Variants in CDH7 observed in about 807,000 individuals in gnomAD.
CDH7 encodes the protein cadherin-7.
CDH7 carries 25 observed loss-of-function variants against 71.8 expected under a neutral mutation model. The ratio of observed to expected loss-of-function variants is 0.35; its 90% CI spans 0.25 to 0.49. The LOEUF is 0.49. Ranked by LOEUF, CDH7 falls within the 20% of genes least tolerant of loss-of-function variation. CDH7 has a pLI of 0.99. For missense variants in CDH7, 862 were observed against 974.6 expected (o/e 0.88, Z 1.54); for synonymous variants, 381 against 363.8 (o/e 1.05, Z -0.54).
intron 2 of CDH7, among the ~76,000 whole-genome samples, chr18:65,793,288 C>A (rs1052706186): frequency 6.6e-6 from 1 of 151,832 alleles, no homozygotes; most frequent in Non-Finnish European, 1.5e-5. Context: ...TAAAAATTGG[C>A]TGGTTGCGGT....
rs1376994992 is a variant in CDH7, at chr18:65,882,587, C to A, written c.*1693C>A. On this transcript the variant is annotated 3_prime_UTR_variant, in exon 12 of 12. Transcript: ENST00000397968. Reference sequence around the variant, plus strand: ...TTAGAAATGAAGTATGTAAAAGTGGCCTTCAACTTCATAAGTATAAATAAT... The same window carrying A: ...TTAGAAATGAAGTATGTAAAAGTGGACTTCAACTTCATAAGTATAAATAAT... 1 of 152,010 alleles carries A rather than the reference C, an allele frequency of 6.6e-6. No homozygotes were observed. The highest frequency in any genetic ancestry group is 2.4e-5 in the African/African-American group (1 of 41,422). The allele number at this position is 152,010 out of a possible 1,614,324, so 9.4% of individuals were successfully genotyped here. A position where few individuals can be genotyped will look rare whatever the true frequency, so the allele number is the denominator to read the frequency against.
At chr18:65,782,127 T>C (rs867051160) in intron 2 of CDH7, among the ~76,000 whole-genome samples, 3 of 81,474 alleles carry the variant, frequency 3.7e-5, no homozygotes, top group South Asian at 4.4e-4. Flanking sequence ...TCTTTCTTTC[T>C]TTCTTTCTTT....
intron 1 of CDH7, among the ~76,000 whole-genome samples, chr18:65,755,346 A>T (rs1916001533): frequency 1.3e-5 from 2 of 152,220 alleles, no homozygotes; most frequent in Admixed American, 1.3e-4. Flanking sequence ...TGCAGCTCAA[A>T]CATGTCATCA....
intron 6 of CDH7, among the ~76,000 whole-genome samples, chr18:65,828,457 TACTC>T (rs1912212874): frequency 6.6e-6 from 1 of 152,168 alleles, no homozygotes; most frequent in Admixed American, 6.5e-5. Flanking sequence ...AATCTGAAAA[TACTC>T]ACAGATGACT....
intron 7 of CDH7, among the ~76,000 whole-genome samples, chr18:65,852,393 A>G (rs1347369373): frequency 6.6e-6 from 1 of 152,150 alleles, no homozygotes; most frequent in Non-Finnish European, 1.5e-5. Flanking sequence ...CTAATGACAT[A>G]CTAATGAGAA....
chr18:65,849,337 C>A (rs1038804524), intron 7 of CDH7, among the ~76,000 whole-genome samples: 2 of 100,012 alleles, frequency 2.0e-5, no homozygotes, highest in African/African-American at 2.9e-5. Flanking sequence ...TTTAGCCTTT[C>A]CTTTTTCTTT....
At chr18:65,814,310 T>A (rs1184183680) in intron 3 of CDH7, among the ~76,000 whole-genome samples, 175 bp from the exon 4 acceptor site, 2 of 151,578 alleles carry the variant, frequency 1.3e-5, no homozygotes, top group African/African-American at 4.8e-5. Flanking sequence ...ATATTTATGA[T>A]CTCTTTGGGG....
intron 2 of CDH7, among the ~76,000 whole-genome samples, chr18:65,793,508 TTC>T (rs1414338216): frequency 1.3e-5 from 2 of 152,082 alleles, no homozygotes; most frequent in Non-Finnish European, 2.9e-5. Context: ...ACAGAAATAT[TTC>T]TCTCTGCATT....
intron 11 of CDH7, chr18:65,863,269 C>G (rs1913643748): frequency 8.0e-6 from 2 of 251,282 alleles, no homozygotes; most frequent in Middle Eastern, 1.4e-3. Flanking sequence ...AACTCCTGAC[C>G]TCAGGTGATC....
intron 2 of CDH7, among the ~76,000 whole-genome samples, chr18:65,769,344 T>C (rs1916475938): frequency 6.6e-6 from 1 of 152,220 alleles, no homozygotes; most frequent in Non-Finnish European, 1.5e-5. Context: ...ATTTTCTTGT[T>C]ATTTTAAACA....
At chr18:65,761,915 G>C (rs1720492354) in intron 1 of CDH7, among the ~76,000 whole-genome samples, 1 of 152,114 alleles carries the variant, frequency 6.6e-6, no homozygotes, top group South Asian at 2.1e-4. Context: ...TGTTTATGTA[G>C]GGAGGCCCTA....
At position 65,849,709 on chromosome 18, in the gene CDH7, G is replaced by A. The variant is rs374911062; in HGVS notation, c.1235+5644G>A. On this transcript the variant is annotated intron_variant, in intron 7 of 11. Transcript: ENST00000397968. ...ATTACAGGTATGAGCCACCACCCCC[G>A]GCCCATTTTTTCATGTTTTATTCTA... 1.1e-4 allele frequency among the ~76,000 whole-genome samples: 16 copies of A among 150,792 alleles called. No homozygotes were observed. The South Asian group carries it at 2.2e-3, about 20-fold the overall frequency.
At chr18:65,858,006 C>T in intron 8 of CDH7, 54 bp downstream of exon 8, 2 of 1,557,060 alleles carry the variant, frequency 1.3e-6, no homozygotes, top group Non-Finnish European at 1.8e-6. Flanking sequence ...AGTGGAGAAT[C>T]GATTGTCATG....
chr18:65,824,564 G>T (rs1912054905), intron 5 of CDH7, 80 bp from the exon 6 acceptor site: 2 of 907,928 alleles, frequency 2.2e-6, no homozygotes, highest in South Asian at 2.5e-5. Context: ...GTGCTACAAT[G>T]ATGCCAAAAT....
Position 65,889,378 on chromosome 18 carries a change from G to A in CDH7, c.*8484G>A, listed in dbSNP as rs1000672049. Reference sequence around the variant, plus strand: ...CCAACCCAGTGCTGGGCTCGTGGAAGGCAGCAAGGTACCTGCATCAAGCCA... The same window carrying A: ...CCAACCCAGTGCTGGGCTCGTGGAAAGCAGCAAGGTACCTGCATCAAGCCA... On this transcript the variant is annotated 3_prime_UTR_variant, in exon 12 of 12. Transcript: ENST00000397968. 1.3e-5 allele frequency: 2 copies of A among 152,222 alleles called. No individual in the cohort carries two copies. Among genetic ancestry groups the A allele is most frequent in the Non-Finnish European group, 2.9e-5 (2 of 68,068 alleles). The allele number at this position is 152,222 out of a possible 1,614,324, so 9.4% of individuals were successfully genotyped here.
At position 65,836,613 on chromosome 18, in the gene CDH7, G is replaced by A. The variant is rs1912540932; in HGVS notation, c.982-7199G>A. On this transcript the variant is annotated intron_variant, in intron 6 of 11. Coordinates refer to ENST00000397968, the MANE Select transcript of CDH7 (RefSeq NM_004361.5). ...GAGCACTGGCACTTTCTATCTACTG[G>A]TAATAATCCATTTGCAAGCTGCAAA... Among the ~76,000 whole-genome samples, 4 of 151,902 alleles carry A rather than the reference G, an allele frequency of 2.6e-5. No individual in the cohort carries two copies. The South Asian group carries it at 8.3e-4, about 32-fold the overall frequency.
intron 2 of CDH7, chr18:65,803,282 G>A (rs922484429): frequency 6.6e-6 from 1 of 151,988 alleles, no homozygotes; most frequent in Non-Finnish European, 1.5e-5. Context: ...TAGAATGGCT[G>A]TTTCTCACAA....
chr18:65,771,273 C>G (rs1266145382), intron 2 of CDH7, among the ~76,000 whole-genome samples: 1 of 151,900 alleles, frequency 6.6e-6, no homozygotes, highest in South Asian at 2.1e-4. Flanking sequence ...GAACGAATAA[C>G]AAGTAATTGT....
intron 2 of CDH7, among the ~76,000 whole-genome samples, chr18:65,774,658 A>G (rs558766634): frequency 2.0e-5 from 3 of 151,994 alleles, no homozygotes; most frequent in Admixed American, 6.6e-5. Context: ...AGCTACTCTC[A>G]TATCTCAGAT....
Sources: allele counts gnomAD v4.1 joint callset (sites outside exome capture counted in the v4.1 genomes callset), GRCh38; gene constraint gnomAD v4.1.1; transcripts MANE v1.5; gene names NCBI Gene and HGNC (gene_info 2026-07-23, HGNC 2026-07-21).